Variants in CD163L1 observed in about 807,000 individuals in gnomAD.
CD163L1 encodes the protein CD163 molecule like 1.
A neutral mutation model predicts 165.4 loss-of-function variants in CD163L1; 124 were observed. The observed-to-expected ratio is 0.75, with a 90% confidence interval of 0.65 to 0.87. The LOEUF (loss-of-function observed/expected upper bound fraction) is 0.87. CD163L1 is among the 40% of genes least tolerant of loss of function. The pLI, the probability that CD163L1 is intolerant of heterozygous loss-of-function variation, is 0.00. For missense variants in CD163L1, 1,525 were observed against 1,799.9 expected, an observed-to-expected ratio of 0.85 and a Z score of 2.76; for synonymous variants, 585 against 662.2, an observed-to-expected ratio of 0.88 and a Z score of 1.79.
intron 8 of CD163L1, among the ~76,000 whole-genome samples, chr12:7,391,873 A>C (rs1263081389): frequency 1.3e-5 from 2 of 152,234 alleles, no homozygotes; most frequent in Non-Finnish European, 1.5e-5. Flanking sequence ...AGAAGAGCTA[A>C]CTATCCTAAA....
At chr12:7,326,531 C>T in the CD163L1 span, among the ~76,000 whole-genome samples, 2 of 152,078 alleles carry the variant, frequency 1.3e-5, no homozygotes, top group Non-Finnish European at 2.9e-5. Flanking sequence ...TTTGATCTCC[C>T]AGGATACACA....
chr12:7,367,952 A>T, intron 17 of CD163L1, 135 bp downstream of exon 17: 1 of 633,120 alleles, frequency 1.6e-6, no homozygotes, highest in Non-Finnish European at 2.9e-6. Flanking sequence ...ATGTTTCTGC[A>T]TTTGGCCTGG....
chr12:7,320,596 T>C, the CD163L1 span: 3 of 679,500 alleles, frequency 4.4e-6, no homozygotes, highest in South Asian at 5.8e-5. Flanking sequence ...AATATTGTTT[T>C]CTTATTCCTA....
At chr12:7,441,317 T>A in intron 1 of CD163L1, 71 bp from the exon 2 acceptor site, 1 of 1,076,192 alleles carries the variant, frequency 9.3e-7, no homozygotes, top group Non-Finnish European at 1.4e-6. Context: ...CTCAATGACT[T>A]AAATCCAAAA....
the CD163L1 span, among the ~76,000 whole-genome samples, chr12:7,329,970 C>T: frequency 1.3e-5 from 2 of 152,170 alleles, no homozygotes; most frequent in East Asian, 1.9e-4. Context: ...AGGCATATGG[C>T]TAATTTTATT....
Position 7,396,204 on chromosome 12 carries a change from G to A in CD163L1, c.1941C>T (p.Leu647=), listed in dbSNP as rs762966287. The A allele has an allele frequency of 4.2e-5, 68 of 1,613,936 alleles. 1 individual carries two copies. In the Admixed American group the frequency reaches 6.0e-4, roughly 14 times the overall value. ...CATCTCCATCACAGGAAACATCATC[G>A]AGCCAAATTTTTCCATATCCTGTAG... ...NASTGYGKIW[L]DDVSCDGDES... The change falls in exon 8 of 20, where the codon CTC becomes CTT. Residue 647 remains leucine (L), a synonymous_variant. Transcript: ENST00000313599.
At chr12:7,334,772 T>G in the CD163L1 span, among the ~76,000 whole-genome samples, 4 of 152,220 alleles carry the variant, frequency 2.6e-5, no homozygotes, top group Non-Finnish European at 1.5e-5. Context: ...CTCCTTAAGC[T>G]GATAAGCAAC....
Position 7,375,024 on chromosome 12 carries a change from C to T in CD163L1, c.3002-101G>A, listed in dbSNP as rs1947234494. 3.6e-6 allele frequency: 4 copies of T among 1,110,908 alleles called. No homozygotes were observed. The African/African-American group carries it at 4.6e-5, about 13-fold the overall frequency. The allele number at this position is 1,110,908 out of a possible 1,614,324, so 68.8% of individuals were successfully genotyped here. A position where few individuals can be genotyped will look rare whatever the true frequency, so the allele number is the denominator to read the frequency against. The stretch of plus-strand genomic sequence containing the variant: ...ATGGAATCTGCAATTGTGATAAGGA[C>T]TTTTCAAACCCTGTCGTCTATTGAA... On this transcript the variant is annotated intron_variant, in intron 11 of 19. Coordinates refer to ENST00000313599, the MANE Select transcript of CD163L1 (RefSeq NM_174941.6).
chr12:7,358,334 G>A (rs1351250855), intron 18 of CD163L1, among the ~76,000 whole-genome samples: 3 of 152,078 alleles, frequency 2.0e-5, no homozygotes, highest in African/African-American at 7.2e-5. Context: ...GTGAAGACTG[G>A]AGCAAAATCA....
chr12:7,423,021 T>C (rs1173338781), intron 4 of CD163L1, among the ~76,000 whole-genome samples: 1 of 151,964 alleles, frequency 6.6e-6, no homozygotes, highest in East Asian at 1.9e-4. Flanking sequence ...ATCAACAGAA[T>C]ATACATTTTT....
In CD163L1 at chr12:7,440,629, CTTTTTTTTTTTTT is replaced by C. The variant is rs71067189; in HGVS notation, c.124+512_124+524del. 4.3e-4 allele frequency among the ~76,000 whole-genome samples: 50 copies of C among 116,392 alleles called. No individual in the cohort carries two copies. The South Asian group carries it at 0.013, about 31-fold the overall frequency. 76.4% of individuals were successfully genotyped at this position (116,392 alleles called of 152,430 possible). ...TTTGGAAACTATCTTTATCTTTTTT[CTTTTTTTTTTTTT>C]TTGAGATGGAGTCTTGCTCTGTCGC... is the stretch of plus-strand genomic sequence containing the variant. On this transcript the variant is annotated intron_variant, in intron 2 of 19. Coordinates refer to ENST00000313599, the MANE Select transcript of CD163L1 (RefSeq NM_174941.6).
chr12:7,421,582 T>TATACATATACGTACAC (rs1948423037), intron 4 of CD163L1, among the ~76,000 whole-genome samples: 2 of 69,712 alleles, frequency 2.9e-5, no homozygotes, highest in Admixed American at 1.8e-4. Context: ...TACATGTACA[T>TATACATATACGTACAC]ATATACATAT....
In CD163L1 at chr12:7,393,959, T is replaced by C. The variant is rs1259901786; in HGVS notation, c.2050+2136A>G. The stretch of plus-strand genomic sequence containing the variant: ...TGGAAGAACATTCCATGCTCATGGA[T>C]AGGAAGAATCAATATCGTGAAAATG... On this transcript the variant is annotated intron_variant, in intron 8 of 19. Transcript: ENST00000313599. Among the ~76,000 whole-genome samples, 11 of 152,072 alleles carry C rather than the reference T, an allele frequency of 7.2e-5. No individual in the cohort carries two copies. The East Asian group carries it at 1.9e-3, about 27-fold the overall frequency.
chr12:7,399,305 CTTTCT>C (rs1947854569), intron 6 of CD163L1, among the ~76,000 whole-genome samples: 1 of 138,316 alleles, frequency 7.2e-6, no homozygotes, highest in African/African-American at 2.8e-5. Flanking sequence ...TCTCTCCTTT[CTTTCT>C]TTTCTTTCTT....
chr12:7,377,757 C>T (rs1947301491), intron 9 of CD163L1, among the ~76,000 whole-genome samples: 1 of 152,202 alleles, frequency 6.6e-6, no homozygotes, highest in African/African-American at 2.4e-5. Flanking sequence ...AGCGATGTGA[C>T]ATTCTGCCAC....
intron 8 of CD163L1, among the ~76,000 whole-genome samples, chr12:7,394,784 G>T (rs979612311): frequency 2.6e-5 from 4 of 152,010 alleles, no homozygotes; most frequent in African/African-American, 7.2e-5. Context: ...GTAGGCAAAG[G>T]ATATGAACAG....
At chr12:7,423,518 C>A (rs1028235941) in intron 4 of CD163L1, among the ~76,000 whole-genome samples, 4 of 151,668 alleles carry the variant, frequency 2.6e-5, no homozygotes, top group Admixed American at 2.0e-4. Flanking sequence ...AAAAAACCTT[C>A]AAAAAAACAA....
chr12:7,360,834 G>A (rs936590490), intron 18 of CD163L1, among the ~76,000 whole-genome samples: 2 of 152,060 alleles, frequency 1.3e-5, no homozygotes, highest in African/African-American at 4.8e-5. Context: ...AGATACTCCT[G>A]GTTGTTTGTA....
chr12:7,429,271 A>G lies in CD163L1; in HGVS notation c.766+3145T>C, dbSNP rs773331838. On this transcript the variant is annotated intron_variant, in intron 4 of 19. Transcript: ENST00000313599. ...AAATAAAATGTCCACCTCAGTAGGC[A>G]TTACTGGAAATAATCAAAAATGTTT... Among the ~76,000 whole-genome samples, 3 of 152,186 alleles carry G rather than the reference A, an allele frequency of 2.0e-5. No homozygotes were observed. In the South Asian group the frequency reaches 6.2e-4, roughly 31 times the overall value.
Sources: gnomAD v4.1 joint callset for allele counts (sites outside exome capture counted in the v4.1 genomes callset) on GRCh38, gnomAD v4.1.1 for gene constraint, MANE v1.5 for transcripts, NCBI Gene and HGNC (gene_info 2026-07-23, HGNC 2026-07-21) for gene names.